Variants in RP1 observed in about 807,000 individuals in gnomAD.
The protein encoded by RP1 is oxygen-regulated protein 1.
In RP1, 16 loss-of-function variants were observed where a neutral mutation model predicts 14.8. That is an observed-to-expected ratio of 1.08 (90% CI 0.73 to 1.65). The LOEUF is 1.65. Ranked by LOEUF, RP1 falls within the 40% of genes most tolerant of loss-of-function variation. RP1 has a pLI of 0.00. For synonymous variants in RP1, 876 were observed against 883.6 expected (o/e 0.99, Z 0.15); for missense variants, 2,631 against 2,535.0 (o/e 1.04, Z -0.81).
downstream of RP1, among the ~76,000 whole-genome samples, chr8:54,633,991 A>G (rs1806301926): frequency 1.3e-5 from 2 of 152,082 alleles, no homozygotes; most frequent in Non-Finnish European, 2.9e-5. Flanking sequence ...TCTGTATTCG[A>G]TTCTCATAAA....
At chr8:54,613,556 G>A (rs970759974), upstream of RP1, among the ~76,000 whole-genome samples, 1 of 152,194 alleles carries the variant, frequency 6.6e-6, no homozygotes, top group Non-Finnish European at 1.5e-5. Context: ...TGCACCAGTT[G>A]TTTGTGCAGT....
chr8:54,811,162 A>G (rs931896598), intron 24 of RP1, among the ~76,000 whole-genome samples: 8 of 152,188 alleles, frequency 5.3e-5, no homozygotes, highest in Non-Finnish European at 1.0e-4. Context: ...AGCACATAGT[A>G]TGAGGTTCTA....
intron 7 of RP1, chr8:54,663,954 T>C (rs1281707335): frequency 1.8e-5 from 20 of 1,135,902 alleles, no homozygotes; most frequent in Non-Finnish European, 2.2e-5. Flanking sequence ...TTTCACAGTT[T>C]AGTAATGTTA....
intron 25 of RP1, chr8:54,852,511 C>A: frequency 9.0e-7 from 1 of 1,110,790 alleles, no homozygotes; most frequent in Non-Finnish European, 1.1e-6. Flanking sequence ...TGCAGAATAT[C>A]TAACTACATT....
In RP1 at chr8:54,625,825, A is replaced by T; in HGVS notation, c.1943A>T (p.Glu648Val). Residue 648 changes from glutamate (E) to valine (V), a missense_variant, in exon 4 of 4, where the codon GAA becomes GTA. Physicochemically the swap from Glu to Val is moderately radical, Grantham distance 121. Transcript: ENST00000220676. ...GCAAGAATTGACAGACTAATTAATG[A>T]ATTTGCTCAGTGTGGTTTAACAAAA... ...VTARIDRLIN[E>V]FAQCGLTKLP... The T allele has an allele frequency of 6.2e-7, 1 of 1,613,498 alleles. No individual in the cohort carries two copies. The highest frequency in any genetic ancestry group is 8.5e-7 in the Non-Finnish European group (1 of 1,179,986).
chr8:54,815,934 A>G (rs1296315539), intron 24 of RP1, among the ~76,000 whole-genome samples: 1 of 152,194 alleles, frequency 6.6e-6, no homozygotes, highest in African/African-American at 2.4e-5. Context: ...AAATTTTAAT[A>G]CACCATGAAT....
intron 27 of RP1, chr8:54,865,694 G>A (rs571007262): frequency 2.1e-5 from 8 of 389,570 alleles, no homozygotes; most frequent in South Asian, 2.9e-4. Flanking sequence ...ATTTCTCTAC[G>A]GGCATAATTT....
intron 24 of RP1, among the ~76,000 whole-genome samples, chr8:54,803,061 A>G (rs1354446663): frequency 6.6e-6 from 1 of 152,078 alleles, no homozygotes; most frequent in African/African-American, 2.4e-5. Context: ...AAACTCAGTC[A>G]CAGCAACATT....
At chr8:54,670,397 T>C (rs1807127283) in intron 7 of RP1, among the ~76,000 whole-genome samples, 1 of 150,816 alleles carries the variant, frequency 6.6e-6, no homozygotes, top group Admixed American at 6.7e-5. Flanking sequence ...CCTTCAATTT[T>C]GTAAATGTTT....
At chr8:54,759,049 C>A in exon 22 of RP1, 1 of 1,535,342 alleles carries the variant, frequency 6.5e-7, no homozygotes, top group Non-Finnish European at 8.7e-7. Flanking sequence ...CCCGGCACCA[C>A]ATCCGAGTCC....
At position 54,630,118 on chromosome 8, in the gene RP1, C is replaced by G. The variant is rs1585569717; in HGVS notation, c.6236C>G (p.Ser2079Ter). The G allele has an allele frequency of 6.2e-7, 1 of 1,613,818 alleles. No individual in the cohort carries two copies. ...NNLLNNRFQG[S>*]RTNLNQVVRE... ...TTATTAAATAACAGATTCCAGGGCT[C>G]AAGAACAAATCTCAACCAAGTAGTA... Residue 2079 changes from serine (S) to a stop codon, truncating the protein, a stop_gained, in exon 4 of 4, where the codon TCA (serine) becomes TGA (stop). Coordinates refer to ENST00000220676, the MANE Select transcript of RP1 (RefSeq NM_006269.2). LOFTEE classifies it low-confidence loss of function (END_TRUNC).
intron 17 of RP1, among the ~76,000 whole-genome samples, chr8:54,732,086 A>T (rs1808808253): frequency 6.6e-6 from 1 of 152,054 alleles, no homozygotes; most frequent in African/African-American, 2.4e-5. Flanking sequence ...TTCACACATA[A>T]TATCTTGTGT....
rs1290004517 is a variant in RP1 at position 54,625,575 on chromosome 8, G to A, written c.1693G>A (p.Gly565Ser). ...GATGTTAGAGATGTCACATAATAAT[G>A]GTTTGCCATCAACTATATCAAATAA... Reference protein sequence around the residue: ...QKMLEMSHNNGLPSTISNNSI... With the variant: ...QKMLEMSHNNSLPSTISNNSI... Residue 565 changes from glycine (G) to serine (S), a missense_variant, in exon 4 of 4, where the codon GGT (glycine) becomes AGT (serine). By Grantham distance (56) the Gly-to-Ser change is moderately conservative (BLOSUM62 0). Coordinates refer to ENST00000220676, the MANE Select transcript of RP1 (RefSeq NM_006269.2). The A allele has an allele frequency of 1.9e-6, 3 of 1,613,930 alleles. No individual in the cohort carries two copies. The African/African-American group carries it at 4.0e-5, about 22-fold the overall frequency.
At chr8:54,592,207 T>C (rs1805056256) in intron 1 of RP1, among the ~76,000 whole-genome samples, 1 of 152,230 alleles carries the variant, frequency 6.6e-6, no homozygotes, top group Admixed American at 6.5e-5. Context: ...AAAGAATGTT[T>C]CCTCCTGTAG....
At chr8:54,562,575 G>A (rs1411371272) in intron 1 of RP1, among the ~76,000 whole-genome samples, 2 of 151,838 alleles carry the variant, frequency 1.3e-5, no homozygotes, top group East Asian at 1.9e-4. Flanking sequence ...TCAGGAGGCC[G>A]AAGCAGAAGA....
At chr8:54,808,762 A>G (rs929884871) in intron 24 of RP1, among the ~76,000 whole-genome samples, 1 of 152,204 alleles carries the variant, frequency 6.6e-6, no homozygotes, top group Non-Finnish European at 1.5e-5. Flanking sequence ...GGACTGATGA[A>G]CAGACATTGG....
chr8:54,578,353 C>T (rs1804707319), intron 1 of RP1, among the ~76,000 whole-genome samples: 1 of 151,946 alleles, frequency 6.6e-6, no homozygotes, highest in Admixed American at 6.6e-5. Context: ...ACTATAGGTG[C>T]ACCATCATGC....
downstream of RP1, among the ~76,000 whole-genome samples, chr8:54,633,737 C>CTCTATATATA (rs1236298691): frequency 2.1e-3 from 246 of 118,776 alleles, no homozygotes; most frequent in East Asian, 9.0e-3. Context: ...CTCTCTCTCT[C>CTCTATATATA]TATATATATA....
intron 1 of RP1, among the ~76,000 whole-genome samples, chr8:54,585,594 T>C (rs1251623431): frequency 1.3e-5 from 2 of 152,244 alleles, no homozygotes; most frequent in Non-Finnish European, 2.9e-5. Flanking sequence ...CAGAGTGTTT[T>C]CCAACTTGGT....
Sources: gnomAD v4.1 joint callset for allele counts (sites outside exome capture counted in the v4.1 genomes callset) on GRCh38, gnomAD v4.1.1 for gene constraint, MANE v1.5 for transcripts, NCBI Gene and HGNC (gene_info 2026-07-23, HGNC 2026-07-21) for gene names.